Variants in DLGAP2 observed in about 807,000 individuals in gnomAD.
The protein encoded by DLGAP2 is DLG associated protein 2, also known as disks large-associated protein 2.
Under a neutral mutation model 100.3 loss-of-function variants are expected in DLGAP2, and 26 were observed. The observed-to-expected ratio is 0.26, with a 90% CI of 0.19 to 0.36. DLGAP2 has a LOEUF of 0.36. DLGAP2 is among the 10% of genes least tolerant of loss of function. The probability of loss-of-function intolerance (pLI) is 1.00; values close to 1 mark genes in which losing one functional copy is unlikely to be tolerated. For synonymous variants in DLGAP2, 886 were observed against 630.1 expected (o/e 1.41, Z -6.08); for missense variants, 1,858 against 1,453.2 (o/e 1.28, Z -4.53).
At chr8:1,052,565 G>C (rs960040636) in intron 2 of DLGAP2, among the ~76,000 whole-genome samples, 2 of 152,178 alleles carry the variant, frequency 1.3e-5, no homozygotes, top group Non-Finnish European at 2.9e-5. Context: ...CTCACAGGCA[G>C]GGTCCCTGGA....
intron 1 of DLGAP2, among the ~76,000 whole-genome samples, chr8:806,236 G>A (rs1465979513): frequency 1.3e-5 from 2 of 152,180 alleles, no homozygotes; most frequent in Non-Finnish European, 2.9e-5. Context: ...AGACTTTACA[G>A]GATCATGTAA....
intron 2 of DLGAP2, among the ~76,000 whole-genome samples, chr8:1,194,592 C>T (rs1276108031): frequency 6.6e-6 from 1 of 152,178 alleles, no homozygotes; most frequent in African/African-American, 2.4e-5. Context: ...AGCACCCACG[C>T]CTGCCTGTTC....
chr8:1,542,206 C>G (rs1285525199), intron 4 of DLGAP2, among the ~76,000 whole-genome samples: 1 of 152,130 alleles, frequency 6.6e-6, no homozygotes, highest in South Asian at 2.1e-4. Flanking sequence ...CTGTGTATGT[C>G]TTCCTTCATC....
intron 2 of DLGAP2, among the ~76,000 whole-genome samples, chr8:1,182,414 G>A (rs1797408982): frequency 6.6e-6 from 1 of 152,218 alleles, no homozygotes; most frequent in Non-Finnish European, 1.5e-5. Flanking sequence ...TAGGACCTGA[G>A]CGTGCATTTA....
At chr8:1,695,543 AAGAG>A (rs557130392) in intron 13 of DLGAP2, among the ~76,000 whole-genome samples, 105 of 136,520 alleles carry the variant, frequency 7.7e-4, no homozygotes, top group African/African-American at 2.8e-3. Context: ...GCCCTACAGA[AAGAG>A]AGGGCACAGC....
chr8:1,605,247 CT>C (rs981362750), intron 6 of DLGAP2, among the ~76,000 whole-genome samples: 7 of 152,190 alleles, frequency 4.6e-5, no homozygotes. Context: ...CTGACCTCCA[CT>C]CCTGTGTTCT....
chr8:1,235,255 C>T (rs978363929), intron 2 of DLGAP2, among the ~76,000 whole-genome samples: 6 of 125,238 alleles, frequency 4.8e-5, no homozygotes, highest in African/African-American at 4.2e-5. Flanking sequence ...CACATGGCGT[C>T]GTGTCTAGTT....
intron 4 of DLGAP2, among the ~76,000 whole-genome samples, chr8:1,521,323 C>T (rs1374412693): frequency 4.7e-4 from 24 of 51,092 alleles, no homozygotes; most frequent in Admixed American, 1.1e-3. Flanking sequence ...TTGGAATACT[C>T]GGGCGGCAGG....
intron 3 of DLGAP2, among the ~76,000 whole-genome samples, chr8:1,342,154 C>T (rs1019622033): frequency 3.9e-5 from 6 of 151,908 alleles, no homozygotes; most frequent in African/African-American, 1.5e-4. Context: ...ATGTTGCTTC[C>T]CCAGGCTGGT....
At chr8:1,105,182 CCTT>C (rs1465046854) in intron 2 of DLGAP2, 1 of 152,228 alleles carries the variant, frequency 6.6e-6, no homozygotes, top group African/African-American at 2.4e-5. Flanking sequence ...CATTGATTTA[CCTT>C]CTTAACGCCA....
chr8:1,009,173 A>T (rs993940217), intron 2 of DLGAP2, among the ~76,000 whole-genome samples: 1 of 151,772 alleles, frequency 6.6e-6, no homozygotes, highest in African/African-American at 2.4e-5. Flanking sequence ...CTGCTTTCCA[A>T]TCTCCTAAGG....
At chr8:1,441,525 TA>T (rs1469014380) in intron 3 of DLGAP2, among the ~76,000 whole-genome samples, 1 of 151,778 alleles carries the variant, frequency 6.6e-6, no homozygotes, top group Non-Finnish European at 1.5e-5. Flanking sequence ...CCGTCTCTAC[TA>T]AAAGTACAAA....
intron 1 of DLGAP2, among the ~76,000 whole-genome samples, chr8:752,496 C>A (rs1009841328): frequency 1.3e-5 from 2 of 152,164 alleles, no homozygotes; most frequent in Non-Finnish European, 2.9e-5. Flanking sequence ...GATGGCAGGG[C>A]CCGGTCAGCA....
chr8:806,752 A>G (rs1269907238), intron 1 of DLGAP2, among the ~76,000 whole-genome samples: 1 of 152,238 alleles, frequency 6.6e-6, no homozygotes, highest in African/African-American at 2.4e-5. Flanking sequence ...TGAGTGACAC[A>G]GCAGACTCTC....
chr8:1,329,736 G>A (rs181373546), intron 3 of DLGAP2, among the ~76,000 whole-genome samples: 1 of 152,286 alleles, frequency 6.6e-6, no homozygotes, highest in East Asian at 1.9e-4. Context: ...GAGACCCTGG[G>A]GCTTGGGGTG....
intron 3 of DLGAP2, among the ~76,000 whole-genome samples, chr8:1,419,083 C>A (rs1797018894): frequency 6.6e-6 from 1 of 152,254 alleles, no homozygotes; most frequent in African/African-American, 2.4e-5. Context: ...CTGTGTTCAG[C>A]CCTCTGCAAG....
chr8:793,080 C>A (rs896290808), intron 1 of DLGAP2, among the ~76,000 whole-genome samples: 2 of 152,162 alleles, frequency 1.3e-5, no homozygotes, highest in Admixed American at 1.3e-4. Flanking sequence ...TACTATCAGC[C>A]CTCCTTTCTT....
chr8:774,942 T>C (rs1821472475), intron 1 of DLGAP2, among the ~76,000 whole-genome samples: 1 of 150,480 alleles, frequency 6.6e-6, no homozygotes, highest in Non-Finnish European at 1.5e-5. Context: ...CCTTGGGCAG[T>C]ATGGCCATTT....
intron 6 of DLGAP2, among the ~76,000 whole-genome samples, chr8:1,578,846 G>A (rs1326817950): frequency 3.9e-5 from 6 of 152,148 alleles, no homozygotes; most frequent in Non-Finnish European, 5.9e-5. Flanking sequence ...TCGGCCTTGT[G>A]TCCCCGATCG....
Sources: gnomAD v4.1 joint callset for allele counts (sites outside exome capture counted in the v4.1 genomes callset) on GRCh38, gnomAD v4.1.1 for gene constraint, MANE v1.5 for transcripts, NCBI Gene and HGNC (gene_info 2026-07-23, HGNC 2026-07-21) for gene names.